The following CACNB2 variants were observed in gnomAD, a reference collection of about 807,000 sequenced individuals.
CACNB2 encodes the protein voltage-dependent L-type calcium channel subunit beta-2.
In CACNB2, 42 loss-of-function variants were observed where a neutral mutation model predicts 73.3. That is an observed-to-expected ratio of 0.57 (90% CI 0.45 to 0.74). CACNB2 has a LOEUF of 0.74. Among genes scored for constraint, CACNB2 ranks in the 30% least tolerant of loss-of-function variants. CACNB2 has a pLI of 0.00. For synonymous variants in CACNB2, 348 were observed against 310.3 expected, an observed-to-expected ratio of 1.12 and a Z score of -1.28; for missense variants, 940 against 853.0, an observed-to-expected ratio of 1.10 and a Z score of -1.27.
At chr10:18,241,454 G>A (rs2131505496) in intron 2 of CACNB2, among the ~76,000 whole-genome samples, 1 of 152,166 alleles carries the variant, frequency 6.6e-6, no homozygotes, top group Non-Finnish European at 1.5e-5. Context: ...GGCTAGGGGA[G>A]GGATAGCATT....
intron 2 of CACNB2, among the ~76,000 whole-genome samples, chr10:18,373,130 A>C (rs1220756044): frequency 3.3e-5 from 5 of 152,078 alleles, no homozygotes; most frequent in Admixed American, 3.3e-4. Flanking sequence ...ATTTCCCTAA[A>C]GACTAGCAGA....
intron 3 of CACNB2, among the ~76,000 whole-genome samples, chr10:18,408,519 A>T (rs527854292): frequency 6.6e-6 from 1 of 152,202 alleles, no homozygotes; most frequent in South Asian, 2.1e-4. Flanking sequence ...GATTACAAGC[A>T]TGAGCCACTG....
intron 2 of CACNB2, chr10:18,340,856 T>C: frequency 6.2e-7 from 1 of 1,613,940 alleles, no homozygotes; most frequent in Non-Finnish European, 8.5e-7. Flanking sequence ...GCCTTTTAGC[T>C]AGTCCTGAAT....
At chr10:18,343,248 A>T (rs2041305789) in intron 2 of CACNB2, among the ~76,000 whole-genome samples, 1 of 152,188 alleles carries the variant, frequency 6.6e-6, no homozygotes, top group African/African-American at 2.4e-5. Flanking sequence ...CCAGATGGTC[A>T]CTTCCTCTCT....
At chr10:18,491,143 A>T (rs1401445893) in intron 3 of CACNB2, among the ~76,000 whole-genome samples, 1 of 152,246 alleles carries the variant, frequency 6.6e-6, no homozygotes, top group African/African-American at 2.4e-5. Flanking sequence ...AGAAAGCACA[A>T]TAAGAAGAAA....
chr10:18,459,049 G>T (rs184540492), intron 3 of CACNB2, among the ~76,000 whole-genome samples: 2 of 152,184 alleles, frequency 1.3e-5, no homozygotes, highest in African/African-American at 4.8e-5. Flanking sequence ...ACAGGCGCGA[G>T]CCACTGCACC....
chr10:18,336,296 C>T (rs2041002036), intron 2 of CACNB2, among the ~76,000 whole-genome samples: 1 of 152,150 alleles, frequency 6.6e-6, no homozygotes, highest in South Asian at 2.1e-4. Context: ...GATACAAGAA[C>T]TGGTTAATAC....
intron 2 of CACNB2, among the ~76,000 whole-genome samples, chr10:18,259,608 G>C (rs2037443783): frequency 6.6e-6 from 1 of 150,502 alleles, no homozygotes; most frequent in Non-Finnish European, 1.5e-5. Flanking sequence ...GTGCACACCT[G>C]TAGTCCCAGC....
intron 2 of CACNB2, among the ~76,000 whole-genome samples, chr10:18,235,948 G>A (rs1294561825): frequency 1.3e-5 from 2 of 152,096 alleles, no homozygotes; most frequent in Non-Finnish European, 2.9e-5. Context: ...AGACCTGGTT[G>A]TTTAAAAGTG....
At chr10:18,153,671 T>C (rs1564299362) in intron 2 of CACNB2, among the ~76,000 whole-genome samples, 1 of 150,752 alleles carries the variant, frequency 6.6e-6, no homozygotes, top group Non-Finnish European at 1.5e-5. Context: ...AACCTCTGCC[T>C]CCTGGGTTCA....
intron 2 of CACNB2, among the ~76,000 whole-genome samples, chr10:18,367,827 A>G (rs957363424): frequency 3.3e-5 from 5 of 152,328 alleles, no homozygotes; most frequent in East Asian, 3.9e-4. Flanking sequence ...ATATAATTCA[A>G]TTCAAATTTA....
At position 18,525,029 on chromosome 10, in the gene CACNB2, TA is replaced by T. The variant is rs35445837; in HGVS notation, c.945-2539del. ...GCCTGGGTGACAGTGAGATGCTGTC[TA>T]AAAAAAAAAAAAAAAAAAACACATT... On this transcript the variant is annotated intron_variant, in intron 9 of 13. Coordinates refer to ENST00000324631, the MANE Select transcript of CACNB2 (RefSeq NM_201596.3). Among the ~76,000 whole-genome samples, 180 of 108,258 alleles carry T rather than the reference TA, an allele frequency of 1.7e-3. 1 individual carries two copies. Among genetic ancestry groups the T allele is most frequent in the African/African-American group, 4.0e-3 (115 of 28,418 alleles). The allele number at this position is 108,258 out of a possible 152,430, so 71.0% of individuals were successfully genotyped here.
chr10:18,455,523 A>T (rs2047235762), intron 3 of CACNB2, among the ~76,000 whole-genome samples: 1 of 152,230 alleles, frequency 6.6e-6, no homozygotes, highest in African/African-American at 2.4e-5. Context: ...ACACAGGTAA[A>T]TACCAACTGG....
At chr10:18,450,426 G>C (rs1367450284) in intron 3 of CACNB2, among the ~76,000 whole-genome samples, 4 of 152,062 alleles carry the variant, frequency 2.6e-5, no homozygotes, top group African/African-American at 9.7e-5. Context: ...AGAAGGGCCT[G>C]TGGTGAATAA....
intron 2 of CACNB2, chr10:18,224,337 T>TAA (rs2035904687): frequency 6.5e-5 from 4 of 61,988 alleles, no homozygotes; most frequent in Admixed American, 2.1e-4. Context: ...ACTTCTCCCT[T>TAA]CAAAAAAAAA....
In CACNB2 at chr10:18,140,822, T is replaced by C; in HGVS notation, c.86T>C (p.Val29Ala). 1 of 1,604,342 alleles carries C rather than the reference T, an allele frequency of 6.2e-7. No individual in the cohort carries two copies. The highest frequency in any genetic ancestry group is 8.5e-7 in the Non-Finnish European group (1 of 1,176,934). Residue 29 changes from valine to alanine, a missense_variant, in exon 1 of 14, where the codon GTG becomes GCG. Physicochemically the swap from Val to Ala is moderately conservative, Grantham distance 64. Transcript: ENST00000324631. ...QEIQMELLENVAPAGALGAAA... is the reference protein window; with the variant it reads ...QEIQMELLENAAPAGALGAAA... The stretch of plus-strand genomic sequence containing the variant: ...ATCCAGATGGAACTGCTAGAGAACG[T>C]GGCTCCCGCGGGGGCGCTCGGAGCC...
At chr10:18,491,170 G>A (rs1234604083) in intron 3 of CACNB2, among the ~76,000 whole-genome samples, 1 of 152,230 alleles carries the variant, frequency 6.6e-6, no homozygotes, top group African/African-American at 2.4e-5. Flanking sequence ...ATGGCCCACT[G>A]GCCTCAAACA....
intron 3 of CACNB2, among the ~76,000 whole-genome samples, chr10:18,496,973 G>A (rs112639971): frequency 2.0e-5 from 3 of 151,778 alleles, no homozygotes; most frequent in African/African-American, 4.8e-5. Flanking sequence ...CACTTTGGGA[G>A]GCTGAGGCGG....
chr10:18,213,421 C>T (rs965083694), intron 2 of CACNB2, among the ~76,000 whole-genome samples: 2 of 152,110 alleles, frequency 1.3e-5, no homozygotes, highest in Non-Finnish European at 2.9e-5. Flanking sequence ...TGGTAGCTTT[C>T]GGAATCTGTT....
Sources: allele counts gnomAD v4.1 joint callset (sites outside exome capture counted in the v4.1 genomes callset), GRCh38; gene constraint gnomAD v4.1.1; transcripts MANE v1.5; gene names NCBI Gene and HGNC (gene_info 2026-07-23, HGNC 2026-07-21).